APOB: variants seen among roughly 807,000 people sequenced by gnomAD.
APOB encodes the protein apolipoprotein B-100.
In APOB, 153 loss-of-function variants were observed where a neutral mutation model predicts 314.1. The ratio of observed to expected loss-of-function variants is 0.49; its 90% CI spans 0.43 to 0.56. The LOEUF (loss-of-function observed/expected upper bound fraction) is 0.56, where lower values mean the gene tolerates loss of function less well. Among genes scored for constraint, APOB ranks in the 20% least tolerant of loss-of-function variants. The pLI, the probability that APOB is intolerant of heterozygous loss-of-function variation, is 0.00. For missense variants in APOB, 5,430 were observed against 5,350.7 expected, an observed-to-expected ratio of 1.01 and a Z score of -0.46; for synonymous variants, 2,087 against 2,036.4, an observed-to-expected ratio of 1.02 and a Z score of -0.67.
intron 24 of APOB, 145 bp from the exon 25 acceptor site, chr2:21,013,678 C>T: frequency 3.4e-6 from 4 of 1,176,730 alleles, no homozygotes; most frequent in Non-Finnish European, 3.7e-6. Flanking sequence ...TATGCCTGGA[C>T]CCCTTTGCTT....
At chr2:21,025,566 TTCTCAGAGAGAAGAAGAA>T (rs1416271077) in intron 15 of APOB, among the ~76,000 whole-genome samples, 2 of 152,210 alleles carry the variant, frequency 1.3e-5, no homozygotes, top group African/African-American at 2.4e-5. Flanking sequence ...AGACAAGTTC[TTCTCAGAGAGAAGAAGAA>T]TCTCAGAGAT....
intron 3 of APOB, 135 bp from the exon 4 acceptor site, chr2:21,041,218 C>T (rs967632334): frequency 1.2e-6 from 1 of 863,410 alleles, no homozygotes. Flanking sequence ...CGCCTCAACA[C>T]CACATGCCTT....
At position 21,009,272 on chromosome 2, in the gene APOB, A is replaced by T; in HGVS notation, c.7596T>A (p.Leu2532=). 1 of 1,614,108 alleles carries T rather than the reference A, an allele frequency of 6.2e-7. No individual in the cohort carries two copies. The highest frequency in any genetic ancestry group is 8.5e-7 in the Non-Finnish European group (1 of 1,179,970). Residue 2532 remains leucine (L), a synonymous_variant, in exon 26 of 29, where the codon CTT becomes CTA. Transcript: ENST00000233242. ...RMYQMDIQQE[L]QRYLSLVGQV... ...GGCCTACCAGAGACAGGTATCGTTG[A>T]AGTTCCTGCTGAATGTCCATTTGAT...
intron 6 of APOB, among the ~76,000 whole-genome samples, chr2:21,036,216 A>C (rs1463451740): frequency 6.6e-6 from 1 of 152,128 alleles, no homozygotes; most frequent in Non-Finnish European, 1.5e-5. Flanking sequence ...TGGCTCCTGC[A>C]TTAGACTGGA....
chr2:21,025,920 T>C (rs560152771), intron 15 of APOB, among the ~76,000 whole-genome samples: 61 of 152,204 alleles, frequency 4.0e-4, no homozygotes, highest in Non-Finnish European at 7.8e-4. Flanking sequence ...AAATGGGGGC[T>C]CATTGCTAGC....
Position 21,009,406 on chromosome 2 carries a change from T to C in APOB, c.7462A>G (p.Lys2488Glu). The C allele has an allele frequency of 6.2e-7, 1 of 1,614,128 alleles. No individual in the cohort carries two copies. Residue 2488 changes from lysine (K) to glutamate (E), a missense_variant, in exon 26 of 29, where the codon AAA becomes GAA. This residue lies in a region of APOB where 3,281 missense variants were observed against 3,171.0 expected (regional missense o/e 1.03). Coordinates refer to ENST00000233242, the MANE Select transcript of APOB (RefSeq NM_000384.3). ...AACCAATTGATGATTAAGGTTATTT[T>C]GGTGTCCTGTAGGCTTTCCAGATAC... ...AVYLESLQDT[K>E]ITLIINWLQE...
intron 23 of APOB, among the ~76,000 whole-genome samples, 196 bp downstream of exon 23, chr2:21,014,876 TG>T (rs1415407732): frequency 6.6e-6 from 1 of 152,236 alleles, no homozygotes; most frequent in African/African-American, 2.4e-5. Context: ...AGCATCTCTT[TG>T]ATATGTATCA....
rs1663309781 is a variant in APOB at position 21,011,196 on chromosome 2, T to A, written c.5672A>T (p.His1891Leu). ...TACAGAACGGAAGACATTGCTGAAA[T>A]GCAGTGAGTCTGAATTATAGTTTGT... ...MSTNYNSDSL[H>L]FSNVFRSVMA... The change falls in exon 26 of 29, where the codon CAT becomes CTT. Residue 1891 changes from histidine (H) to leucine (L), a missense_variant. Physicochemically the swap from His to Leu is moderately conservative, Grantham distance 99. Around this residue, in one of 3 missense-constraint regions of APOB, gnomAD observed 3,281 missense variants for 3,171.0 expected, o/e 1.03. Transcript: ENST00000233242. 6.2e-7 allele frequency: 1 copy of A among 1,614,170 alleles called. No homozygotes were observed. Among genetic ancestry groups the A allele is most frequent in the Non-Finnish European group, 8.5e-7 (1 of 1,180,022 alleles).
chr2:21,003,608 C>T lies in APOB; in HGVS notation c.12088-274G>A, dbSNP rs569807533. Among the ~76,000 whole-genome samples, 17 of 152,094 alleles carry T rather than the reference C, an allele frequency of 1.1e-4. No homozygotes were observed. The South Asian group carries it at 2.7e-3, about 24-fold the overall frequency. ...TGTGACACTTAAAATTAAAGCCTTCCTAGGACTGAAAACTGGAAGAGGAGT... is the reference window on the plus strand; with the variant it reads ...TGTGACACTTAAAATTAAAGCCTTCTTAGGACTGAAAACTGGAAGAGGAGT... On this transcript the variant is annotated intron_variant, in intron 28 of 28. Coordinates refer to ENST00000233242, the MANE Select transcript of APOB (RefSeq NM_000384.3).
In APOB at chr2:21,007,422, T is replaced by A. The variant is rs751263998; in HGVS notation, c.9446A>T (p.Asp3149Val). 10 of 1,614,080 alleles carry A rather than the reference T, an allele frequency of 6.2e-6. No homozygotes were observed. The Admixed American group carries it at 1.7e-4, about 27-fold the overall frequency. The change falls in exon 26 of 29, where the codon GAT becomes GTT. Residue 3149 changes from aspartate (D) to valine (V), a missense_variant. Around this residue, in one of 3 missense-constraint regions of APOB, gnomAD observed 3,281 missense variants for 3,171.0 expected, o/e 1.03. Coordinates refer to ENST00000233242, the MANE Select transcript of APOB (RefSeq NM_000384.3). ...GCCTGTTTTTTCCCATAGAGAGAAA[T>A]CTTTCAGTGGAGGAGTTGTGATTAT... Reference protein sequence around the residue: ...YTIITTPPLKDFSLWEKTGLK... With the variant: ...YTIITTPPLKVFSLWEKTGLK...
At chr2:21,016,156 C>T (rs961170334) in intron 21 of APOB, among the ~76,000 whole-genome samples, 1 of 152,230 alleles carries the variant, frequency 6.6e-6, no homozygotes. Context: ...GGTGTGGTGG[C>T]ATGCACCTAT....
Position 21,033,457 on chromosome 2 carries a change from G to A in APOB, c.966C>T (p.Ala322=), listed in dbSNP as rs755978246. 85 of 1,613,816 alleles carry A rather than the reference G, an allele frequency of 5.3e-5. 1 individual carries two copies. Among genetic ancestry groups the A allele is most frequent in the Middle Eastern group, 1.6e-4 (1 of 6,084 alleles). The change falls in exon 9 of 29, where the codon GCC becomes GCT. Residue 322 remains alanine (A), a synonymous_variant. Transcript: ENST00000233242. ...STKSTSPPKQ[A]EAVLKTLQEL... ...CCTGGAGAGTCTTCAAAACAGCTTC[G>A]GCCTGCTTTGGAGGTGATGTGGATT... is the stretch of plus-strand genomic sequence containing the variant.
At chr2:21,036,840 G>A (rs529996357) in intron 6 of APOB, among the ~76,000 whole-genome samples, 2 of 152,266 alleles carry the variant, frequency 1.3e-5, no homozygotes, top group South Asian at 4.1e-4. Context: ...GCAGTTTGGT[G>A]CCAGTGACAG....
rs1433224623 is a variant in APOB, at chr2:21,012,381, T to C, written c.4487A>G (p.Tyr1496Cys). The change falls in exon 26 of 29, where the codon TAT becomes TGT. Residue 1496 changes from tyrosine (Y) to cysteine (C), a missense_variant. Coordinates refer to ENST00000233242, the MANE Select transcript of APOB (RefSeq NM_000384.3). The part of the protein sequence containing the change: ...IDGQFRVSSF[Y>C]AKGTYGLSCQ... Reference sequence around the variant, plus strand: ...AGACAGGCCATATGTGCCTTTAGCATAGAACGAAGAGACTCTGAACTGCCC... The same window carrying C: ...AGACAGGCCATATGTGCCTTTAGCACAGAACGAAGAGACTCTGAACTGCCC... 1.2e-6 allele frequency: 2 copies of C among 1,614,200 alleles called. No homozygotes were observed. Among genetic ancestry groups the C allele is most frequent in the South Asian group, 1.1e-5 (1 of 91,082 alleles).
chr2:21,012,753 C>A, intron 25 of APOB, 102 bp from the exon 26 acceptor site: 1 of 1,298,890 alleles, frequency 7.7e-7, no homozygotes, highest in Non-Finnish European at 1.1e-6. Context: ...TTTTTCTGGG[C>A]CAATTGTGCA....
rs201712223 is a variant in APOB at position 21,009,300 on chromosome 2, A to G, written c.7568T>C (p.Met2523Thr). Residue 2523 changes from methionine to threonine, a missense_variant, in exon 26 of 29, where the codon ATG (methionine) becomes ACG (threonine). Transcript: ENST00000233242. ...TTCCTGCTGAATGTCCATTTGATACATTCGGTCTCGTGTATCTTCTAGGGT... is the reference window on the plus strand; with the variant it reads ...TTCCTGCTGAATGTCCATTTGATACGTTCGGTCTCGTGTATCTTCTAGGGT... The part of the protein sequence containing the change: ...RETLEDTRDR[M>T]YQMDIQQELQ... 6 of 1,614,020 alleles carry G rather than the reference A, an allele frequency of 3.7e-6. No homozygotes were observed. The highest frequency in any genetic ancestry group is 1.3e-5 in the African/African-American group (1 of 74,930).
In APOB at chr2:21,032,391, G is replaced by C; in HGVS notation, c.1315C>G (p.Arg439Gly). The C allele has an allele frequency of 1.2e-6, 2 of 1,613,898 alleles. No individual in the cohort carries two copies. The highest frequency in any genetic ancestry group is 1.7e-6 in the Non-Finnish European group (2 of 1,180,018). Residue 439 changes from arginine (R) to glycine (G), a missense_variant, in exon 10 of 29, where the codon CGA (arginine) becomes GGA (glycine). By Grantham distance (125) the Arg-to-Gly change is moderately radical. Around this residue, in one of 3 missense-constraint regions of APOB, gnomAD observed 2,085 missense variants for 2,079.7 expected, o/e 1.00. Coordinates refer to ENST00000233242, the MANE Select transcript of APOB (RefSeq NM_000384.3). ...TGGCTCAGCGCATACAAGGTGGCTC[G>C]GCTGCGCTGATCCCTCGCCATGTTG... ...IFNMARDQRS[R>G]ATLYALSHAV...
In APOB at chr2:21,013,377, T is replaced by C. The variant is rs1663384521; in HGVS notation, c.3999A>G (p.Arg1333=). Residue 1333 remains arginine, a synonymous_variant, in exon 25 of 29, where the codon CGA becomes CGG. Transcript: ENST00000233242. The part of the protein sequence containing the change: ...FKSVGFHLPS[R]EFQVPTFTIP... ...TGGTAAAAGTAGGGACTTGGAACTC[T>C]CGAGATGGCAGATGGAATCCCACAG... is the stretch of plus-strand genomic sequence containing the variant. The C allele has an allele frequency of 1.2e-6, 2 of 1,614,036 alleles. No individual in the cohort carries two copies. The highest frequency in any genetic ancestry group is 2.2e-5 in the South Asian group (2 of 91,086).
chr2:21,030,978 A>G (rs1663863205), intron 10 of APOB, among the ~76,000 whole-genome samples: 1 of 152,250 alleles, frequency 6.6e-6, no homozygotes, highest in African/African-American at 2.4e-5. Context: ...ATACAGAGAA[A>G]AGGAAACAGT....
Sources: allele counts gnomAD v4.1 joint callset (sites outside exome capture counted in the v4.1 genomes callset), GRCh38; gene constraint gnomAD v4.1.1; regional missense constraint gnomAD v4.1.1; transcripts MANE v1.5; gene names NCBI Gene and HGNC (gene_info 2026-07-23, HGNC 2026-07-21).